The following QTMAN variants were observed in gnomAD, a reference collection of about 807,000 sequenced individuals.
QTMAN encodes the protein queuosine-tRNA mannosyltransferase.
chr2:143,999,095 A>C, the QTMAN span, among the ~76,000 whole-genome samples: 1 of 151,988 alleles, frequency 6.6e-6, no homozygotes, highest in Non-Finnish European at 1.5e-5. Flanking sequence ...AATTCCCCCT[A>C]AACAAAAAAG....
chr2:144,132,530 C>T, the QTMAN span, among the ~76,000 whole-genome samples: 2 of 152,064 alleles, frequency 1.3e-5, no homozygotes, highest in African/African-American at 4.8e-5. Context: ...AATATCATAG[C>T]CGCTGGGCAG....
chr2:143,952,263 G>A, the QTMAN span, among the ~76,000 whole-genome samples: 1 of 151,522 alleles, frequency 6.6e-6, no homozygotes, highest in Non-Finnish European at 1.5e-5. Flanking sequence ...GTGTAGTTGT[G>A]CTGTTTAGAC....
At chr2:144,245,634 T>C in the QTMAN span, among the ~76,000 whole-genome samples, 1 of 152,324 alleles carries the variant, frequency 6.6e-6, no homozygotes, top group East Asian at 1.9e-4. Context: ...TAAGATGGTA[T>C]TTCATTCAGA....
chr2:144,266,533 T>A, the QTMAN span, among the ~76,000 whole-genome samples: 1 of 152,222 alleles, frequency 6.6e-6, no homozygotes, highest in Non-Finnish European at 1.5e-5. Context: ...GACTGAGACA[T>A]TGTACCAATC....
the QTMAN span, among the ~76,000 whole-genome samples, chr2:143,961,727 T>C: frequency 5.3e-5 from 8 of 152,254 alleles, no homozygotes; most frequent in Non-Finnish European, 1.2e-4. Flanking sequence ...AGAGTGGCAA[T>C]GGATCTTCTG....
chr2:144,195,181 G>A, the QTMAN span, among the ~76,000 whole-genome samples: 16 of 152,048 alleles, frequency 1.1e-4, no homozygotes, highest in South Asian at 2.9e-3. Flanking sequence ...ACAATATCTA[G>A]TAGAAACCCT....
the QTMAN span, among the ~76,000 whole-genome samples, chr2:143,989,290 C>T: frequency 6.6e-6 from 1 of 151,848 alleles, no homozygotes; most frequent in Non-Finnish European, 1.5e-5. Context: ...ATTCATAGAA[C>T]TGAGTGGTGA....
At chr2:144,258,574 C>T in the QTMAN span, among the ~76,000 whole-genome samples, 1 of 152,242 alleles carries the variant, frequency 6.6e-6, no homozygotes, top group Middle Eastern at 3.4e-3. Flanking sequence ...GATACCCAGC[C>T]AAATTGACCA....
the QTMAN span, among the ~76,000 whole-genome samples, chr2:144,220,330 A>G: frequency 6.6e-6 from 1 of 152,232 alleles, no homozygotes; most frequent in Admixed American, 6.5e-5. Flanking sequence ...ATACATAGAC[A>G]ACTGTGTATA....
the QTMAN span, among the ~76,000 whole-genome samples, chr2:144,069,699 A>C: frequency 3.3e-5 from 5 of 152,178 alleles, no homozygotes; most frequent in Admixed American, 2.6e-4. Context: ...CAGTACCTTT[A>C]TGCTCCAAAT....
At chr2:144,294,870 C>T in the QTMAN span, among the ~76,000 whole-genome samples, 4,065 of 152,100 alleles carry the variant, frequency 0.027, 172 homozygotes, top group African/African-American at 0.093. Flanking sequence ...GAGGACCCTG[C>T]CACTTGGGTA....
the QTMAN span, among the ~76,000 whole-genome samples, chr2:144,330,724 CA>C: frequency 8.2e-4 from 124 of 152,140 alleles, no homozygotes; most frequent in African/African-American, 2.9e-3. Flanking sequence ...ACTTTAGTAC[CA>C]TAATCAAACA....
the QTMAN span, chr2:143,940,798 G>A: frequency 6.6e-6 from 1 of 152,264 alleles, no homozygotes; most frequent in Non-Finnish European, 1.5e-5. Context: ...ACACATGGGT[G>A]AGCAGCTTTG....
At chr2:144,330,636 C>A in the QTMAN span, among the ~76,000 whole-genome samples, 1 of 152,138 alleles carries the variant, frequency 6.6e-6, no homozygotes, top group African/African-American at 2.4e-5. Flanking sequence ...GCATTTTAAT[C>A]TAATGGGTCC....
the QTMAN span, among the ~76,000 whole-genome samples, chr2:144,283,166 A>G: frequency 1.3e-5 from 2 of 152,166 alleles, no homozygotes; most frequent in Non-Finnish European, 2.9e-5. Context: ...GGCACCTCCA[A>G]TTTGTAGCTA....
chr2:144,114,524 C>T, the QTMAN span, among the ~76,000 whole-genome samples: 1 of 152,158 alleles, frequency 6.6e-6, no homozygotes, highest in South Asian at 2.1e-4. Context: ...TTCTTTTCTT[C>T]AGTACACTTC....
the QTMAN span, among the ~76,000 whole-genome samples, chr2:144,003,067 G>T: frequency 6.6e-6 from 1 of 151,846 alleles, no homozygotes; most frequent in Admixed American, 6.6e-5. Context: ...CATTATTTAT[G>T]TTAACATATA....
chr2:144,316,676 G>A, the QTMAN span, among the ~76,000 whole-genome samples: 50 of 152,188 alleles, frequency 3.3e-4, no homozygotes, highest in African/African-American at 9.6e-4. Flanking sequence ...TACAATATTC[G>A]CAAATATGTC....
the QTMAN span, among the ~76,000 whole-genome samples, chr2:144,009,641 T>C: frequency 4.2e-4 from 64 of 152,210 alleles, no homozygotes; most frequent in South Asian, 0.013. Flanking sequence ...ACACAAAGAA[T>C]GGTACTAACC....
Sources: gnomAD v4.1 joint callset for allele counts (sites outside exome capture counted in the v4.1 genomes callset) on GRCh38, gnomAD v4.1.1 for gene constraint, MANE v1.5 for transcripts, NCBI Gene and HGNC (gene_info 2026-07-23, HGNC 2026-07-21) for gene names.